The following DYRK4 variants were observed in gnomAD, a reference collection of about 807,000 sequenced individuals.
DYRK4 encodes the protein dual specificity tyrosine-phosphorylation-regulated kinase 4.
In DYRK4, 64 loss-of-function variants were observed where a neutral mutation model predicts 68.3. That is an observed-to-expected ratio of 0.94 (90% confidence interval 0.77 to 1.15). DYRK4 has a LOEUF of 1.15. DYRK4 is among the 50% of genes most tolerant of loss of function. The pLI, the probability that DYRK4 is intolerant of heterozygous loss-of-function variation, is 0.00. For missense variants in DYRK4, 740 were observed against 764.7 expected (o/e 0.97, Z 0.38); for synonymous variants, 274 against 289.9 (o/e 0.95, Z 0.56).
At chr12:4,577,056 T>C (rs1046421610) in intron 2 of DYRK4, among the ~76,000 whole-genome samples, 1 of 152,228 alleles carries the variant, frequency 6.6e-6, no homozygotes. Context: ...TTTTTTATTG[T>C]AGTTAAAAAG....
chr12:4,579,199 G>A (rs1191379072), intron 2 of DYRK4, among the ~76,000 whole-genome samples: 1 of 152,078 alleles, frequency 6.6e-6, no homozygotes, highest in East Asian at 1.9e-4. Context: ...ATTTGAACCT[G>A]GGAGGCGGAG....
chr12:4,564,538 G>A (rs1391876694), intron 1 of DYRK4: 1 of 152,120 alleles, frequency 6.6e-6, no homozygotes, highest in Non-Finnish European at 1.5e-5. Context: ...GGATATTGAA[G>A]TACTCTATAC....
chr12:4,564,719 C>G (rs539310564), intron 1 of DYRK4, among the ~76,000 whole-genome samples: 4 of 152,190 alleles, frequency 2.6e-5, no homozygotes, highest in South Asian at 2.1e-4. Flanking sequence ...AGTTGATGCT[C>G]TGGAATTTTT....
intron 2 of DYRK4, among the ~76,000 whole-genome samples, chr12:4,569,267 A>G (rs1019476504): frequency 2.6e-5 from 4 of 152,254 alleles, no homozygotes; most frequent in African/African-American, 7.2e-5. Context: ...TTATTTTGAT[A>G]AAATAAAAAT....
chr12:4,580,088 C>T (rs139037177), intron 2 of DYRK4, among the ~76,000 whole-genome samples: 1 of 152,272 alleles, frequency 6.6e-6, no homozygotes, highest in African/African-American at 2.4e-5. Flanking sequence ...CATGATTTAC[C>T]AAGGTGCATT....
intron 8 of DYRK4, among the ~76,000 whole-genome samples, chr12:4,597,552 C>A (rs1191030235): frequency 1.3e-5 from 2 of 152,246 alleles, no homozygotes; most frequent in Non-Finnish European, 2.9e-5. Flanking sequence ...GCCAAATGGA[C>A]AGCTCGGTCT....
At chr12:4,588,047 ACT>A (rs1211491442) in intron 2 of DYRK4, among the ~76,000 whole-genome samples, 5 of 151,932 alleles carry the variant, frequency 3.3e-5, no homozygotes, top group African/African-American at 7.3e-5. Flanking sequence ...TAGTCCTCAC[ACT>A]CTGTTTTGTT....
At chr12:4,600,050 T>C (rs557893107) in intron 10 of DYRK4, among the ~76,000 whole-genome samples, 1 of 152,328 alleles carries the variant, frequency 6.6e-6, no homozygotes, top group African/African-American at 2.4e-5. Flanking sequence ...CAAAACTAAC[T>C]AACTGTGTAT....
chr12:4,613,491 T>A lies in DYRK4; in HGVS notation c.1667-24T>A. 2.5e-6 allele frequency: 4 copies of A among 1,593,754 alleles called. No individual in the cohort carries two copies. The highest frequency in any genetic ancestry group is 3.4e-6 in the Non-Finnish European group (4 of 1,164,748). ...AATCCACATTTGAATCTTGTTCCCT[T>A]CTGTCTTCTCTCTCCTTTAGCAGAT... On this transcript the variant is annotated intron_variant, in intron 14 of 14. Transcript: ENST00000543431. The surrounding 1 kb of genome is among the most constrained non-coding windows in gnomAD (Gnocchi z 4.0).
intron 6 of DYRK4, 129 bp downstream of exon 6, chr12:4,593,294 T>A: frequency 9.4e-7 from 1 of 1,066,656 alleles, no homozygotes; most frequent in Non-Finnish European, 1.3e-6. Flanking sequence ...CCTGAAGTAT[T>A]CTGGTAGTGC....
At chr12:4,593,237 A>C in intron 6 of DYRK4, 72 bp downstream of exon 6, 1 of 1,543,766 alleles carries the variant, frequency 6.5e-7, no homozygotes, top group Non-Finnish European at 8.8e-7. Flanking sequence ...GGAAAAAAGC[A>C]ACGGTATTTT....
At chr12:4,570,998 G>A (rs551482268) in intron 2 of DYRK4, among the ~76,000 whole-genome samples, 14 of 152,256 alleles carry the variant, frequency 9.2e-5, no homozygotes, top group African/African-American at 3.1e-4. Context: ...CGTAACTGCC[G>A]GCAGGGGAAA....
chr12:4,563,104 T>G (rs940634099), intron 1 of DYRK4: 3 of 455,952 alleles, frequency 6.6e-6, no homozygotes, highest in Non-Finnish European at 1.3e-5. Context: ...AGTGGAAAAG[T>G]TCAAACCGTG....
At chr12:4,580,772 C>G in intron 2 of DYRK4, 1 of 452,266 alleles carries the variant, frequency 2.2e-6, no homozygotes, top group Non-Finnish European at 4.4e-6. Context: ...CTTCATTTGC[C>G]CATCCAACCA....
At chr12:4,598,915 A>C (rs1945048578) in intron 8 of DYRK4, 113 bp from the exon 9 acceptor site, 2 of 1,250,242 alleles carry the variant, frequency 1.6e-6, no homozygotes, top group African/African-American at 3.0e-5. Context: ...TCCTGGCCTG[A>C]GGCTTGCCTG....
chr12:4,610,994 G>A (rs1426923256), intron 13 of DYRK4, among the ~76,000 whole-genome samples: 1 of 152,098 alleles, frequency 6.6e-6, no homozygotes, highest in Non-Finnish European at 1.5e-5. Flanking sequence ...TGTGATACTT[G>A]GCAAGTCATC....
chr12:4,602,341 T>C, intron 10 of DYRK4: 1 of 897,846 alleles, frequency 1.1e-6, no homozygotes. Context: ...TTGCTCTTCC[T>C]CTCTTTTCAG....
chr12:4,585,844 A>G (rs1159134818), intron 2 of DYRK4, among the ~76,000 whole-genome samples: 1 of 152,246 alleles, frequency 6.6e-6, no homozygotes, highest in Non-Finnish European at 1.5e-5. Flanking sequence ...AGTTTGGAAG[A>G]TAAAGAAACT....
rs1396581865 is a variant in DYRK4 at position 4,590,370 on chromosome 12, GGAA to G, written c.261_263del (p.Lys87del). On this transcript the variant is annotated inframe_deletion, in exon 4 of 15. Coordinates refer to ENST00000543431, the MANE Select transcript of DYRK4 (RefSeq NM_001394779.1). ...TCACTCCCCTTTGTGGACACCAAGG[GGAA>G]GAAGAATACGGTAAGCTTCCCACAC... is the stretch of plus-strand genomic sequence containing the variant. 6.5e-7 allele frequency: 1 copy of G among 1,535,720 alleles called. No individual in the cohort carries two copies. Among genetic ancestry groups the G allele is most frequent in the Admixed American group, 2.0e-5 (1 of 50,946 alleles).
Sources: allele counts gnomAD v4.1 joint callset (sites outside exome capture counted in the v4.1 genomes callset), GRCh38; gene constraint gnomAD v4.1.1; non-coding constraint Gnocchi (gnomAD v3.1); transcripts MANE v1.5; gene names NCBI Gene and HGNC (gene_info 2026-07-23, HGNC 2026-07-21).